Variants in PAQR8 observed in about 807,000 individuals in gnomAD.
PAQR8 encodes progestin and adipoQ receptor family member 8, also known as membrane progestin receptor beta.
PAQR8 carries 17 observed loss-of-function variants against 25.2 expected under a neutral mutation model. The observed-to-expected ratio is 0.67, with a 90% CI of 0.46 to 1.01. The LOEUF (loss-of-function observed/expected upper bound fraction) is 1.01. Among genes scored for constraint, PAQR8 ranks in the 50% least tolerant of loss-of-function variants. The pLI, the probability that PAQR8 is intolerant of heterozygous loss-of-function variation, is 0.00. For synonymous variants in PAQR8, 204 were observed against 190.6 expected (o/e 1.07, Z -0.58); for missense variants, 392 against 448.4 (o/e 0.87, Z 1.14).
At chr6:52,388,049 T>C (rs1459330405) in intron 1 of PAQR8, among the ~76,000 whole-genome samples, 1 of 152,236 alleles carries the variant, frequency 6.6e-6, no homozygotes, top group Non-Finnish European at 1.5e-5. Flanking sequence ...TGGTGAGTTG[T>C]ATAATTATTT....
At chr6:52,397,840 C>T (rs1248959888) in intron 1 of PAQR8, among the ~76,000 whole-genome samples, 1 of 152,178 alleles carries the variant, frequency 6.6e-6, no homozygotes, top group Non-Finnish European at 1.5e-5. Context: ...GGCTCTCTTA[C>T]TCAGTGCAGC....
intron 1 of PAQR8, among the ~76,000 whole-genome samples, chr6:52,378,480 A>G (rs1763510979): frequency 6.6e-6 from 1 of 152,218 alleles, no homozygotes; most frequent in Admixed American, 6.5e-5. Context: ...ATTTTGTGGA[A>G]TATTATTCAA....
intron 1 of PAQR8, among the ~76,000 whole-genome samples, chr6:52,364,585 C>G (rs1379906801): frequency 6.6e-6 from 1 of 152,144 alleles, no homozygotes; most frequent in East Asian, 1.9e-4. Context: ...TTTTGGAGCT[C>G]CTGCTTTGGA....
chr6:52,365,180 A>T (rs1233047825), intron 1 of PAQR8, among the ~76,000 whole-genome samples: 1 of 152,110 alleles, frequency 6.6e-6, no homozygotes, highest in Non-Finnish European at 1.5e-5. Context: ...AGCTGTAGGT[A>T]ATGCCTGGTG....
chr6:52,392,967 T>A (rs763995093), intron 1 of PAQR8, among the ~76,000 whole-genome samples: 4 of 152,212 alleles, frequency 2.6e-5, no homozygotes, highest in African/African-American at 4.8e-5. Context: ...TAAGGCCAAC[T>A]GCAAGTTATT....
chr6:52,386,949 T>C (rs1763639544), intron 1 of PAQR8, among the ~76,000 whole-genome samples: 1 of 152,230 alleles, frequency 6.6e-6, no homozygotes, highest in South Asian at 2.1e-4. Context: ...TTTGTGATAG[T>C]TTACAATTAC....
intron 1 of PAQR8, among the ~76,000 whole-genome samples, chr6:52,370,177 C>T (rs1419316164): frequency 2.6e-5 from 4 of 151,852 alleles, no homozygotes; most frequent in Admixed American, 2.6e-4. Flanking sequence ...GTCTGAGGGT[C>T]TCAGACAATG....
intron 1 of PAQR8, among the ~76,000 whole-genome samples, chr6:52,381,344 G>A (rs917848878): frequency 8.5e-5 from 13 of 152,194 alleles, no homozygotes; most frequent in African/African-American, 3.1e-4. Context: ...GCGGTGGCTC[G>A]GGCCTGTAGG....
intron 1 of PAQR8, among the ~76,000 whole-genome samples, chr6:52,368,385 C>T (rs575060120): frequency 2.6e-5 from 4 of 152,010 alleles, no homozygotes; most frequent in South Asian, 4.2e-4. Flanking sequence ...CCATTGTTTG[C>T]GAGTCAAGGT....
chr6:52,373,287 G>C (rs78714107), intron 1 of PAQR8, among the ~76,000 whole-genome samples: 20,698 of 152,232 alleles, frequency 0.14, 1,718 homozygotes, highest in Non-Finnish European at 0.19. Context: ...TGATAAAGCA[G>C]TCAAACCCTT....
intron 1 of PAQR8, among the ~76,000 whole-genome samples, chr6:52,370,987 A>G (rs144102270): frequency 6.6e-6 from 1 of 152,270 alleles, no homozygotes; most frequent in African/African-American, 2.4e-5. Context: ...CTACTTTACT[A>G]TATGCTTGGT....
In PAQR8 at chr6:52,378,505, A is replaced by G. The variant is rs555536473; in HGVS notation, c.-53+16256A>G. Among the ~76,000 whole-genome samples, 11 of 152,368 alleles carry G rather than the reference A, an allele frequency of 7.2e-5. No individual in the cohort carries two copies. In the South Asian group the frequency reaches 2.3e-3, roughly 32 times the overall value. On this transcript the variant is annotated intron_variant, in intron 1 of 1. Transcript: ENST00000442253. ...ATATTATTCAACCTTAAAAAGGAAGAAAATTGGCCAGGCGCGGTGGCTGAG... is the reference window on the plus strand; with the variant it reads ...ATATTATTCAACCTTAAAAAGGAAGGAAATTGGCCAGGCGCGGTGGCTGAG...
chr6:52,400,945 G>A lies in PAQR8; in HGVS notation c.-52-2217G>A, dbSNP rs748480379. 4.6e-5 allele frequency among the ~76,000 whole-genome samples: 7 copies of A among 152,250 alleles called. No individual in the cohort carries two copies. In the South Asian group the frequency reaches 6.2e-4, roughly 14 times the overall value. On this transcript the variant is annotated intron_variant, in intron 1 of 1. Coordinates refer to ENST00000442253, the MANE Select transcript of PAQR8 (RefSeq NM_133367.5). ...GACAGCAATATTTCACATTTACTAC[G>A]CACTTACCTTGGGCTGGGCAGAGTG...
intron 1 of PAQR8, among the ~76,000 whole-genome samples, chr6:52,377,657 G>A (rs369039267): frequency 6.6e-6 from 1 of 151,866 alleles, no homozygotes; most frequent in Admixed American, 6.6e-5. Flanking sequence ...ACTTGTTTAA[G>A]AAGCAACTTC....
At chr6:52,379,365 T>G (rs1460646649) in intron 1 of PAQR8, among the ~76,000 whole-genome samples, 1 of 152,156 alleles carries the variant, frequency 6.6e-6, no homozygotes, top group Non-Finnish European at 1.5e-5. Flanking sequence ...GTTCTGGAGA[T>G]CGGTTGCACA....
chr6:52,364,801 A>G (rs1313692274), intron 1 of PAQR8, among the ~76,000 whole-genome samples: 1 of 152,198 alleles, frequency 6.6e-6, no homozygotes, highest in African/African-American at 2.4e-5. Context: ...AATGGCATGG[A>G]GTATGTATTT....
Position 52,403,328 on chromosome 6 carries a change from G to A in PAQR8, c.115G>A (p.Glu39Lys). 2.5e-6 allele frequency: 4 copies of A among 1,614,246 alleles called. No individual in the cohort carries two copies. The highest frequency in any genetic ancestry group is 3.4e-6 in the Non-Finnish European group (4 of 1,180,052). ...GLPKMPCTVP[E>K]TDVPQLFREP... ...TCCCAAGATGCCTTGCACTGTCCCA[G>A]AAACGGATGTGCCCCAGCTCTTCCG... is the stretch of plus-strand genomic sequence containing the variant. The change falls in exon 2 of 2, where the codon GAA becomes AAA. Residue 39 changes from glutamate to lysine, a missense_variant. Physicochemically the swap from Glu to Lys is moderately conservative, Grantham distance 56. Transcript: ENST00000442253.
At chr6:52,366,221 T>A (rs1406959584) in intron 1 of PAQR8, among the ~76,000 whole-genome samples, 1 of 152,144 alleles carries the variant, frequency 6.6e-6, no homozygotes, top group Non-Finnish European at 1.5e-5. Context: ...TTAATTTTAA[T>A]CAGATGATTA....
Position 52,407,639 on chromosome 6 carries a change from G to A in PAQR8, c.*3361G>A, listed in dbSNP as rs140250304. 385 of 129,038 alleles carry A rather than the reference G, an allele frequency of 3.0e-3. 1 individual carries two copies. Among genetic ancestry groups the A allele is most frequent in the African/African-American group, 0.013 (364 of 28,920 alleles). 8.0% of individuals were successfully genotyped at this position (129,038 alleles called of 1,614,324 possible). ...CACTGCCATTGTCCCCAAGGCTTCT[G>A]TCTACTAATTCTATTGGTCTTGTGT... On this transcript the variant is annotated 3_prime_UTR_variant, in exon 2 of 2. Transcript: ENST00000442253.
Sources: gnomAD v4.1 joint callset for allele counts (sites outside exome capture counted in the v4.1 genomes callset) on GRCh38, gnomAD v4.1.1 for gene constraint, MANE v1.5 for transcripts, NCBI Gene and HGNC (gene_info 2026-07-23, HGNC 2026-07-21) for gene names.